The following STRA8 variants were observed in gnomAD, a reference collection of about 807,000 sequenced individuals.
STRA8 encodes the protein stimulated by retinoic acid gene 8 protein homolog.
STRA8 carries 18 observed loss-of-function variants against 37.1 expected under a neutral mutation model. The ratio of observed to expected loss-of-function variants is 0.48; its 90% CI spans 0.34 to 0.72. The LOEUF is 0.72. Among genes scored for constraint, STRA8 ranks in the 30% least tolerant of loss-of-function variants. The probability of loss-of-function intolerance (pLI) is 0.01; values close to 1 mark genes in which losing one functional copy is unlikely to be tolerated. For missense variants in STRA8, 357 were observed against 410.4 expected, an observed-to-expected ratio of 0.87 and a Z score of 1.13; for synonymous variants, 168 against 162.9, an observed-to-expected ratio of 1.03 and a Z score of -0.24.
In STRA8 at chr7:135,246,549, G is replaced by T. The variant is rs1211932670; in HGVS notation, c.726G>T (p.Lys242Asn). The stretch of plus-strand genomic sequence containing the variant: ...GGCAGAACCTCTCGGAGGAGAGGAA[G>T]GCCAGCCTCCGGCAGGCCTGGGCGC... Reference protein sequence around the residue: ...HLWQNLSEERKASLRQAWAQK... With the variant: ...HLWQNLSEERNASLRQAWAQK... Residue 242 changes from lysine (K) to asparagine (N), a missense_variant, in exon 6 of 9, where the codon AAG becomes AAT. Lys to Asn is a moderately conservative substitution (Grantham distance 94). Coordinates refer to ENST00000662584, the MANE Select transcript of STRA8 (RefSeq NM_001394401.1). The surrounding 1 kb of genome is among the most constrained non-coding windows in gnomAD (Gnocchi z 5.4). 4 of 1,570,296 alleles carry T rather than the reference G, an allele frequency of 2.5e-6. No homozygotes were observed. Among genetic ancestry groups the T allele is most frequent in the Non-Finnish European group, 3.5e-6 (4 of 1,157,954 alleles).
chr7:135,246,123 A>T lies in STRA8; in HGVS notation c.594-294A>T. 1 of 466,590 alleles carries T rather than the reference A, an allele frequency of 2.1e-6. No individual in the cohort carries two copies. Among genetic ancestry groups the T allele is most frequent in the South Asian group, 2.4e-5 (1 of 41,460 alleles). 28.9% of individuals were successfully genotyped at this position (466,590 alleles called of 1,614,324 possible). A position where few individuals can be genotyped will look rare whatever the true frequency, so the allele number is the denominator to read the frequency against. On this transcript the variant is annotated intron_variant, in intron 5 of 8. Coordinates refer to ENST00000662584, the MANE Select transcript of STRA8 (RefSeq NM_001394401.1). This position sits in a 1 kb window ranked among gnomAD's most constrained non-coding sequence, Gnocchi z 5.4. ...TTCAAGAATATTCCCTTAGGATGAGAGCTGAGGCAGCTACGCCTCTTATCT... is the reference window on the plus strand; with the variant it reads ...TTCAAGAATATTCCCTTAGGATGAGTGCTGAGGCAGCTACGCCTCTTATCT...
chr7:135,258,495 C>T lies in STRA8; in HGVS notation c.*3C>T. ...CCTTTGACGATGAAGATTTGTAATG[C>T]AGAAGAGGAGCTGCGAGGGGAGGGA... On this transcript the variant is annotated 3_prime_UTR_variant, in exon 9 of 9. Transcript: ENST00000662584. 1 of 1,592,400 alleles carries T rather than the reference C, an allele frequency of 6.3e-7. No homozygotes were observed. Among genetic ancestry groups the T allele is most frequent in the Non-Finnish European group, 8.6e-7 (1 of 1,168,462 alleles).
chr7:135,241,892 T>C (rs1053436442), intron 2 of STRA8, among the ~76,000 whole-genome samples: 10 of 152,146 alleles, frequency 6.6e-5, no homozygotes, highest in Non-Finnish European at 1.3e-4. Flanking sequence ...CCCTGACAGA[T>C]ATAGGTGGTC....
intron 2 of STRA8, among the ~76,000 whole-genome samples, chr7:135,242,322 G>A (rs1051548240): frequency 3.9e-5 from 6 of 152,192 alleles, no homozygotes; most frequent in African/African-American, 7.2e-5. Context: ...CATCTGGAGC[G>A]TATGCAGTTA....
At chr7:135,238,593 C>G (rs1832413975) in intron 1 of STRA8, among the ~76,000 whole-genome samples, 1 of 152,200 alleles carries the variant, frequency 6.6e-6, no homozygotes, top group Non-Finnish European at 1.5e-5. Context: ...TTTTATATCT[C>G]TGTTCATCTA....
chr7:135,240,753 C>T (rs374029072), intron 2 of STRA8, 37 bp downstream of exon 2: 65 of 1,605,814 alleles, frequency 4.0e-5, no homozygotes, highest in Non-Finnish European at 5.2e-5. Flanking sequence ...GACATCTCCA[C>T]GGGGAAGGAG....
intron 1 of STRA8, among the ~76,000 whole-genome samples, chr7:135,239,939 C>A (rs1219232971): frequency 6.6e-6 from 1 of 152,046 alleles, no homozygotes; most frequent in African/African-American, 2.4e-5. Context: ...CTAAAGTGTA[C>A]CCCTTGAGGG....
chr7:135,245,247 A>T, intron 4 of STRA8, 41 bp from the exon 5 acceptor site: 2 of 780,604 alleles, frequency 2.6e-6, no homozygotes, highest in Non-Finnish European at 4.8e-6. Flanking sequence ...TTCATGAGGG[A>T]TATTAATCTA....
chr7:135,240,899 C>A (rs757108677), intron 2 of STRA8, among the ~76,000 whole-genome samples, 183 bp downstream of exon 2: 4 of 152,112 alleles, frequency 2.6e-5, no homozygotes, highest in Non-Finnish European at 4.4e-5. Flanking sequence ...GGTTCTGAAG[C>A]CTGTGAAGTC....
chr7:135,232,247 C>G (rs1562966661), upstream of STRA8, among the ~76,000 whole-genome samples: 1 of 151,750 alleles, frequency 6.6e-6, no homozygotes, highest in Non-Finnish European at 1.5e-5. Context: ...CCCTAGGTCC[C>G]CAGCAACACG....
At chr7:135,251,901 CCT>C in intron 7 of STRA8, 32 bp downstream of exon 7, 1 of 1,603,386 alleles carries the variant, frequency 6.2e-7, no homozygotes, top group South Asian at 1.1e-5. Context: ...AGCATGTGCC[CCT>C]GTGTGGGTGG....
At chr7:135,256,554 C>T (rs1162480886) in intron 8 of STRA8, among the ~76,000 whole-genome samples, 2 of 152,202 alleles carry the variant, frequency 1.3e-5, no homozygotes, top group African/African-American at 4.8e-5. Context: ...CCTGGAATCC[C>T]AGCACTTTGG....
rs1411705415 is a variant in STRA8 at position 135,255,102 on chromosome 7, T to C, written c.954-12T>C. 2 of 1,609,000 alleles carry C rather than the reference T, an allele frequency of 1.2e-6. No individual in the cohort carries two copies. The highest frequency in any genetic ancestry group is 1.3e-5 in the African/African-American group (1 of 74,792). On this transcript the variant is annotated splice_polypyrimidine_tract_variant and intron_variant, in intron 7 of 8. Transcript: ENST00000662584. The stretch of plus-strand genomic sequence containing the variant: ...TGAATATTTGTTGCCTTTTCTTCCT[T>C]TCTGTTGTCAGTTCAGTGCTTGCCA...
upstream of STRA8, among the ~76,000 whole-genome samples, chr7:135,233,357 G>A (rs565760500): frequency 6.6e-6 from 1 of 151,720 alleles, no homozygotes; most frequent in Admixed American, 6.6e-5. Context: ...CCTTCATGCC[G>A]TTTTCTCATG....
At position 135,246,837 on chromosome 7, in the gene STRA8, TTC is replaced by T; in HGVS notation, c.879+137_879+138del. 1.0e-6 allele frequency: 1 copy of T among 978,984 alleles called. No individual in the cohort carries two copies. Among genetic ancestry groups the T allele is most frequent in the Non-Finnish European group, 1.4e-6 (1 of 702,390 alleles). 60.6% of individuals were successfully genotyped at this position (978,984 alleles called of 1,614,324 possible). A position where few individuals can be genotyped will look rare whatever the true frequency, so the allele number is the denominator to read the frequency against. On this transcript the variant is annotated intron_variant, in intron 6 of 8. Coordinates refer to ENST00000662584, the MANE Select transcript of STRA8 (RefSeq NM_001394401.1). The surrounding 1 kb of genome is among the most constrained non-coding windows in gnomAD (Gnocchi z 5.4). ...TGGCTCCCAAGGTCGGTTTCTGATT[TTC>T]TTTTTTCTCTTTTTTTTTTTTTTGA...
chr7:135,251,004 A>T (rs932319420), intron 6 of STRA8, among the ~76,000 whole-genome samples: 2 of 152,212 alleles, frequency 1.3e-5, no homozygotes, highest in African/African-American at 4.8e-5. Context: ...GACTGGAGAG[A>T]ATTAGATCAA....
rs373490647 is a variant in STRA8, at chr7:135,246,572, C to A, written c.749C>A (p.Ala250Glu). The stretch of plus-strand genomic sequence containing the variant: ...AAGGCCAGCCTCCGGCAGGCCTGGG[C>A]GCAGAAGCACCGCGGCCCTGCGACC... ...ERKASLRQAWAQKHRGPATLA... is the reference protein window; with the variant it reads ...ERKASLRQAWEQKHRGPATLA... The change falls in exon 6 of 9, where the codon GCG becomes GAG. Residue 250 changes from alanine to glutamate, a missense_variant. By Grantham distance (107) the Ala-to-Glu change is moderately radical (BLOSUM62 -1). Coordinates refer to ENST00000662584, the MANE Select transcript of STRA8 (RefSeq NM_001394401.1). The surrounding 1 kb of genome is among the most constrained non-coding windows in gnomAD (Gnocchi z 5.4). 1.9e-6 allele frequency: 3 copies of A among 1,552,392 alleles called. No individual in the cohort carries two copies. Among genetic ancestry groups the A allele is most frequent in the Non-Finnish European group, 1.7e-6 (2 of 1,149,672 alleles).
At chr7:135,253,225 C>T (rs1294257148) in intron 7 of STRA8, among the ~76,000 whole-genome samples, 1 of 152,228 alleles carries the variant, frequency 6.6e-6, no homozygotes, top group African/African-American at 2.4e-5. Flanking sequence ...TGAGCCACAG[C>T]GCCTGGCTCT....
intron 6 of STRA8, among the ~76,000 whole-genome samples, chr7:135,248,570 TGTG>T (rs1832598175): frequency 6.6e-6 from 1 of 151,314 alleles, no homozygotes; most frequent in Non-Finnish European, 1.5e-5. Context: ...AATAAAAAGG[TGTG>T]GTGGTGGTAC....
Sources: gnomAD v4.1 joint callset for allele counts (sites outside exome capture counted in the v4.1 genomes callset) on GRCh38, gnomAD v4.1.1 for gene constraint, Gnocchi (gnomAD v3.1) non-coding constraint, MANE v1.5 for transcripts, NCBI Gene and HGNC (gene_info 2026-07-23, HGNC 2026-07-21) for gene names.